GAD1: variants seen among roughly 807,000 people sequenced by gnomAD.
GAD1 encodes glutamate decarboxylase 1.
In GAD1, 35 loss-of-function variants were observed where a neutral mutation model predicts 75.2. The observed-to-expected ratio is 0.47, with a 90% CI of 0.36 to 0.62. GAD1 has a LOEUF of 0.62. Among genes scored for constraint, GAD1 ranks in the 20% least tolerant of loss-of-function variants. The pLI is 0.00. For missense variants in GAD1, 490 were observed against 758.5 expected (o/e 0.65, Z 4.16); for synonymous variants, 257 against 271.9 (o/e 0.95, Z 0.54).
At chr2:170,827,199 C>A (rs1025304122) in intron 3 of GAD1, among the ~76,000 whole-genome samples, 3 of 152,118 alleles carry the variant, frequency 2.0e-5, no homozygotes, top group African/African-American at 7.2e-5. Context: ...CCCCCCTTCT[C>A]CCACCCATCA....
At chr2:170,851,791 A>T (rs1227831127) in intron 12 of GAD1, among the ~76,000 whole-genome samples, 1 of 152,174 alleles carries the variant, frequency 6.6e-6, no homozygotes. Context: ...TGTGCTCCTT[A>T]ACCATCTAAT....
intron 3 of GAD1, among the ~76,000 whole-genome samples, chr2:170,823,119 G>A (rs1383228890): frequency 6.6e-6 from 1 of 152,210 alleles, no homozygotes; most frequent in African/African-American, 2.4e-5. Context: ...CAGAAAATAC[G>A]GATGTCCCCG....
At chr2:170,856,602 G>A (rs1046491765) in intron 14 of GAD1, among the ~76,000 whole-genome samples, 1 of 152,196 alleles carries the variant, frequency 6.6e-6, no homozygotes, top group Admixed American at 6.5e-5. Flanking sequence ...ACAAGCCACT[G>A]TTTTTTATTA....
upstream of GAD1, chr2:170,816,577 A>C (rs1701702201): frequency 6.6e-6 from 1 of 151,940 alleles, no homozygotes; most frequent in Non-Finnish European, 1.5e-5. Context: ...CTTCGTAGGA[A>C]TTATCTTTTC....
upstream of GAD1, among the ~76,000 whole-genome samples, chr2:170,813,609 G>C (rs1391920766): frequency 6.6e-6 from 1 of 152,174 alleles, no homozygotes; most frequent in African/African-American, 2.4e-5. Context: ...CACGTTTTAG[G>C]CGTGAAGATC....
At chr2:170,852,893 C>T (rs997216060) in intron 13 of GAD1, 101 bp downstream of exon 13, 33 of 1,003,676 alleles carry the variant, frequency 3.3e-5, no homozygotes, top group African/African-American at 1.9e-4. Flanking sequence ...GGCTGACTCA[C>T]GAGATTGGCA....
chr2:170,841,952 C>T (rs1026575189), intron 6 of GAD1, among the ~76,000 whole-genome samples: 10 of 152,158 alleles, frequency 6.6e-5, no homozygotes, highest in Non-Finnish European at 1.5e-4. Flanking sequence ...TAGGATGTCA[C>T]CTGGCAGAGA....
Position 170,845,771 on chromosome 2 carries a change from A to G in GAD1, c.933A>G (p.Ile311Met), listed in dbSNP as rs1702617930. ...LGFGTDNVIL[I>M]KCNERGKIIP... is the part of the protein sequence containing the mutation. ...TTGGAACTGACAATGTGATTTTGAT[A>G]AAGTGCAATGAAAGGTAGGCAGGGG... The change falls in exon 9 of 17, where the codon ATA becomes ATG. Residue 311 changes from isoleucine to methionine, a missense_variant. Physicochemically the swap from Ile to Met is conservative, Grantham distance 10 (BLOSUM62 1). Transcript: ENST00000358196. The G allele has an allele frequency of 6.2e-7, 1 of 1,614,148 alleles. No individual in the cohort carries two copies. Among genetic ancestry groups the G allele is most frequent in the Non-Finnish European group, 8.5e-7 (1 of 1,179,968 alleles).
intron 9 of GAD1, 54 bp downstream of exon 9, chr2:170,845,839 G>A: frequency 6.4e-7 from 1 of 1,565,686 alleles, no homozygotes; most frequent in Non-Finnish European, 8.8e-7. Context: ...GTGTTCATCT[G>A]TTAAATTTGT....
chr2:170,857,197 G>A lies in GAD1; in HGVS notation c.1521+72G>A, dbSNP rs954481145. On this transcript the variant is annotated intron_variant, in intron 15 of 16. Transcript: ENST00000358196. ...GCTGAGGGAAGCTCCTGAAGCTTCT[G>A]GCAACATGGGAAAATCAATCCCATG... 5.1e-6 allele frequency: 6 copies of A among 1,185,906 alleles called. No individual in the cohort carries two copies. In the African/African-American group the frequency reaches 9.1e-5, roughly 18 times the overall value. The allele number at this position is 1,185,906 out of a possible 1,614,324, so 73.5% of individuals were successfully genotyped here. A position where few individuals can be genotyped will look rare whatever the true frequency, so the allele number is the denominator to read the frequency against.
At chr2:170,845,867 C>T (rs2105799931) in intron 9 of GAD1, 82 bp downstream of exon 9, 2 of 1,477,512 alleles carry the variant, frequency 1.4e-6, no homozygotes, top group East Asian at 2.3e-5. Context: ...TGCTTAAGGA[C>T]TGGCTCAGTA....
rs1176667941 is a variant in GAD1 at position 170,860,621 on chromosome 2, CTTGTA to C, written c.*742_*746del. ...GAGATGTACCATGTTAAAGAGGCGT[CTTGTA>C]TTTTCTTCCCATTTGTAATGTATCT... On this transcript the variant is annotated 3_prime_UTR_variant, in exon 17 of 17. Transcript: ENST00000358196. 1 of 152,532 alleles carries C rather than the reference CTTGTA, an allele frequency of 6.6e-6. No homozygotes were observed. Among genetic ancestry groups the C allele is most frequent in the African/African-American group, 2.4e-5 (1 of 41,400 alleles). The allele number at this position is 152,532 out of a possible 1,614,324, so 9.4% of individuals were successfully genotyped here.
intron 5 of GAD1, among the ~76,000 whole-genome samples, chr2:170,833,611 T>C (rs2058725): frequency 0.25 from 38,323 of 152,194 alleles, 5,057 homozygotes; most frequent in Middle Eastern, 0.32. Flanking sequence ...TACATCATTT[T>C]ATTATGAAAG....
At chr2:170,855,673 G>A (rs6716794) in intron 14 of GAD1, among the ~76,000 whole-genome samples, 39,402 of 151,146 alleles carry the variant, frequency 0.26, 5,278 homozygotes, top group South Asian at 0.35. Flanking sequence ...TCAGGAGTTC[G>A]AGACCCATCT....
At chr2:170,834,038 A>G (rs1178711332) in intron 5 of GAD1, among the ~76,000 whole-genome samples, 1 of 151,806 alleles carries the variant, frequency 6.6e-6, no homozygotes, top group Non-Finnish European at 1.5e-5. Context: ...GAAAGCATTG[A>G]CTTTCATTAG....
At chr2:170,813,887 G>A (rs1210627036), upstream of GAD1, among the ~76,000 whole-genome samples, 1 of 152,176 alleles carries the variant, frequency 6.6e-6, no homozygotes, top group Non-Finnish European at 1.5e-5. Context: ...CCTAATGCCG[G>A]AGAGAGACTG....
chr2:170,843,821 T>A lies in GAD1; in HGVS notation c.639-224T>A, dbSNP rs527879058. On this transcript the variant is annotated intron_variant, in intron 6 of 16. Transcript: ENST00000358196. ...AAGAATCTATTTTGTTGGTGAAGTA[T>A]CACAGGGCTGGCACTTCCACCACCT... The A allele has an allele frequency of 1.8e-4, 101 of 546,298 alleles. 1 individual carries two copies. The highest frequency in any genetic ancestry group is 2.6e-4 in the Non-Finnish European group (79 of 305,108). 33.8% of individuals were successfully genotyped at this position (546,298 alleles called of 1,614,324 possible).
rs1559273559 is a variant in GAD1, at chr2:170,829,598, GCA to G, written c.272_273del (p.Thr91ArgfsTer3). On this transcript the variant is annotated frameshift_variant, in exon 4 of 17. Coordinates refer to ENST00000358196, the MANE Select transcript of GAD1 (RefSeq NM_000817.3). LOFTEE classifies it high-confidence loss of function. Reference sequence around the variant, plus strand: ...AGCGACCGGGATGCCCGCTTCCGGCGCACAGAGACTGACTTCTCTAATCTGTT... The same window carrying G: ...AGCGACCGGGATGCCCGCTTCCGGCGCAGAGACTGACTTCTCTAATCTGTT... 6.2e-7 allele frequency: 1 copy of G among 1,613,616 alleles called. No homozygotes were observed. The highest frequency in any genetic ancestry group is 1.1e-5 in the South Asian group (1 of 91,052).
At chr2:170,817,548 G>A (rs1312107262) in intron 1 of GAD1, 1 of 151,796 alleles carries the variant, frequency 6.6e-6, no homozygotes, top group Non-Finnish European at 1.5e-5. Context: ...TCTCTGTGGG[G>A]TCCTCGATCT....
Sources: gnomAD v4.1 joint callset for allele counts (sites outside exome capture counted in the v4.1 genomes callset) on GRCh38, gnomAD v4.1.1 for gene constraint, MANE v1.5 for transcripts, NCBI Gene and HGNC (gene_info 2026-07-23, HGNC 2026-07-21) for gene names.